TMEM131: variants seen among roughly 807,000 people sequenced by gnomAD.
TMEM131 encodes 2610524E03Rik.
TMEM131 carries 66 observed loss-of-function variants against 211.6 expected under a neutral mutation model. The observed-to-expected ratio is 0.31, with a 90% confidence interval of 0.26 to 0.38. The LOEUF is 0.38. Ranked by LOEUF, TMEM131 falls within the 10% of genes least tolerant of loss-of-function variation. The pLI is 1.00. For missense variants in TMEM131, 2,036 were observed against 2,299.3 expected (o/e 0.89, Z 2.34); for synonymous variants, 844 against 841.3 (o/e 1.00, Z -0.06).
chr2:97,906,894 G>C (rs761207950), intron 3 of TMEM131, among the ~76,000 whole-genome samples: 2 of 152,130 alleles, frequency 1.3e-5, no homozygotes, highest in Non-Finnish European at 2.9e-5. Flanking sequence ...CTTTTAGATA[G>C]AAGTAGATAA....
chr2:97,756,904 A>T lies in TMEM131; in HGVS notation c.*195T>A, dbSNP rs910158041. 24 of 597,728 alleles carry T rather than the reference A, an allele frequency of 4.0e-5. No individual in the cohort carries two copies. The highest frequency in any genetic ancestry group is 6.2e-5 in the Non-Finnish European group (23 of 371,902). The allele number at this position is 597,728 out of a possible 1,614,324, so 37.0% of individuals were successfully genotyped here. Reference sequence around the variant, plus strand: ...ACTTTTCTCTAAAAGCACAACAGCAAATCTCATGTTATCATAATTGCAAGA... The same window carrying T: ...ACTTTTCTCTAAAAGCACAACAGCATATCTCATGTTATCATAATTGCAAGA... On this transcript the variant is annotated 3_prime_UTR_variant, in exon 41 of 41. Transcript: ENST00000186436.
At chr2:97,942,048 C>G (rs1382081014) in intron 1 of TMEM131, among the ~76,000 whole-genome samples, 1 of 152,078 alleles carries the variant, frequency 6.6e-6, no homozygotes, top group Non-Finnish European at 1.5e-5. Flanking sequence ...TGGCACTATT[C>G]ACAAGAGCAA....
intron 4 of TMEM131, among the ~76,000 whole-genome samples, chr2:97,881,525 A>G (rs1435060833): frequency 1.3e-5 from 2 of 151,578 alleles, no homozygotes; most frequent in Non-Finnish European, 2.9e-5. Flanking sequence ...TTTTTAGAGT[A>G]AAAAAAACAA....
chr2:97,896,008 T>C (rs535924072), intron 3 of TMEM131, among the ~76,000 whole-genome samples: 5 of 152,356 alleles, frequency 3.3e-5, no homozygotes, highest in African/African-American at 1.2e-4. Context: ...CATTTAGTGC[T>C]ATAAATTTCC....
At chr2:97,795,180 T>A in intron 28 of TMEM131, 65 bp from the exon 29 acceptor site, 2 of 1,177,764 alleles carry the variant, frequency 1.7e-6, no homozygotes, top group South Asian at 1.5e-5. Flanking sequence ...CTGCATATAA[T>A]ACTGGTCCTA....
intron 1 of TMEM131, among the ~76,000 whole-genome samples, chr2:97,968,829 T>TC (rs1354053530): frequency 6.6e-6 from 1 of 152,084 alleles, no homozygotes; most frequent in African/African-American, 2.4e-5. Context: ...TTGCCTGTAA[T>TC]CCCAGCACCT....
At chr2:97,978,289 G>C (rs867002963) in intron 1 of TMEM131, among the ~76,000 whole-genome samples, 1 of 152,044 alleles carries the variant, frequency 6.6e-6, no homozygotes, top group Non-Finnish European at 1.5e-5. Context: ...ATCCTTTGCT[G>C]CCATTTCAAC....
At chr2:97,766,413 T>C (rs1679169529) in intron 34 of TMEM131, 65 bp downstream of exon 34, 5 of 1,610,024 alleles carry the variant, frequency 3.1e-6, no homozygotes, top group East Asian at 2.2e-5. Context: ...TGCACAACAA[T>C]TGTTAATACG....
intron 1 of TMEM131, among the ~76,000 whole-genome samples, chr2:97,960,781 G>A (rs1454953296): frequency 1.3e-5 from 2 of 152,000 alleles, no homozygotes; most frequent in Non-Finnish European, 2.9e-5. Context: ...AATGCTTAAA[G>A]GTGTTTTACC....
intron 3 of TMEM131, among the ~76,000 whole-genome samples, chr2:97,906,044 G>C (rs540488856): frequency 6.6e-6 from 1 of 152,102 alleles, no homozygotes; most frequent in Non-Finnish European, 1.5e-5. Context: ...TCTTATAAAC[G>C]GATGCTGTAA....
chr2:97,864,054 A>C (rs1286374949), intron 4 of TMEM131, among the ~76,000 whole-genome samples: 1 of 152,258 alleles, frequency 6.6e-6, no homozygotes, highest in East Asian at 1.9e-4. Flanking sequence ...ATGAAAAATA[A>C]TGAGATCCTG....
intron 1 of TMEM131, among the ~76,000 whole-genome samples, chr2:97,991,768 A>G (rs1680278598): frequency 6.6e-6 from 1 of 152,208 alleles, no homozygotes; most frequent in Admixed American, 6.5e-5. Flanking sequence ...ACATATAGGC[A>G]AGAGAGAGAA....
intron 5 of TMEM131, among the ~76,000 whole-genome samples, chr2:97,858,236 A>G: frequency 6.6e-6 from 1 of 152,188 alleles, no homozygotes; most frequent in East Asian, 1.9e-4. Flanking sequence ...GTCAGTGAAA[A>G]TTCTGGGAAG....
At chr2:97,892,813 T>C (rs1412600746) in intron 3 of TMEM131, among the ~76,000 whole-genome samples, 1 of 152,230 alleles carries the variant, frequency 6.6e-6, no homozygotes, top group African/African-American at 2.4e-5. Context: ...TTTAAGTTAA[T>C]TGTGGCGATG....
chr2:97,800,529 C>T (rs1224964259), intron 25 of TMEM131, among the ~76,000 whole-genome samples: 2 of 150,676 alleles, frequency 1.3e-5, no homozygotes, highest in African/African-American at 2.5e-5. Context: ...GTGGGTGGAT[C>T]ACCTGAGGTC....
At chr2:97,854,454 C>A (rs549114740) in intron 5 of TMEM131, among the ~76,000 whole-genome samples, 1 of 152,302 alleles carries the variant, frequency 6.6e-6, no homozygotes, top group Non-Finnish European at 1.5e-5. Flanking sequence ...CTCCTTTCTT[C>A]ACCTCTTCCA....
chr2:97,907,014 T>C (rs1489397384), intron 3 of TMEM131: 1 of 152,228 alleles, frequency 6.6e-6, no homozygotes, highest in Non-Finnish European at 1.5e-5. Context: ...AACATCCTCA[T>C]CTTCGTAAAT....
At chr2:97,759,784 A>G in intron 38 of TMEM131, 35 bp from the exon 39 acceptor site, 1 of 1,524,148 alleles carries the variant, frequency 6.6e-7, no homozygotes, top group Non-Finnish European at 9.0e-7. Flanking sequence ...AACACACAAA[A>G]ATGTATGGTG....
rs1295397004 is a variant in TMEM131 at position 97,766,178 on chromosome 2, T to C, written c.4659A>G (p.Ser1553=). The C allele has an allele frequency of 6.2e-7, 1 of 1,613,706 alleles. No individual in the cohort carries two copies. Among genetic ancestry groups the C allele is most frequent in the Non-Finnish European group, 8.5e-7 (1 of 1,179,680 alleles). The change falls in exon 35 of 41, where the codon TCA becomes TCG. Residue 1553 remains serine, a synonymous_variant. Transcript: ENST00000186436. The stretch of plus-strand genomic sequence containing the variant: ...GTGGAGGAGAGTCTTTTTCACCCTC[T>C]GAGCTACTGGTGTTGCCTAATTCTT... The part of the protein sequence containing the change: ...NSQELGNTSS[S]EGEKDSPPPE...
Sources: gnomAD v4.1 joint callset for allele counts (sites outside exome capture counted in the v4.1 genomes callset) on GRCh38, gnomAD v4.1.1 for gene constraint, MANE v1.5 for transcripts, NCBI Gene and HGNC (gene_info 2026-07-23, HGNC 2026-07-21) for gene names.